Variants in ZNF180 observed in about 807,000 individuals in gnomAD.
The protein encoded by ZNF180 is zinc finger protein 180 (HHZ168).
Under a neutral mutation model 11.8 loss-of-function variants are expected in ZNF180, and 11 were observed. The observed-to-expected ratio is 0.93, with a 90% CI of 0.59 to 1.55. The LOEUF is 1.55. ZNF180 is among the 40% of genes most tolerant of loss of function. The pLI, the probability that ZNF180 is intolerant of heterozygous loss-of-function variation, is 0.00. For synonymous variants in ZNF180, 287 were observed against 257.7 expected, an observed-to-expected ratio of 1.11 and a Z score of -1.09; for missense variants, 773 against 781.7, an observed-to-expected ratio of 0.99 and a Z score of 0.13.
intron 2 of ZNF180, among the ~76,000 whole-genome samples, chr19:44,490,649 T>TA (rs200360869): frequency 8.2e-4 from 119 of 145,938 alleles, no homozygotes; most frequent in South Asian, 2.2e-3. Context: ...CTCTGTTAAT[T>TA]AAAAAAAAAA....
intron 2 of ZNF180, among the ~76,000 whole-genome samples, chr19:44,496,258 A>T (rs2571112): frequency 0.3 from 44,878 of 151,720 alleles, 7,869 homozygotes; most frequent in South Asian, 0.4. Context: ...GCCTCAAGCA[A>T]TCCTCCCACC....
chr19:44,499,944 G>A (rs1434438744), intron 1 of ZNF180, among the ~76,000 whole-genome samples: 1 of 152,142 alleles, frequency 6.6e-6, no homozygotes, highest in Non-Finnish European at 1.5e-5. Flanking sequence ...ACATCCTCAG[G>A]CCTCCACTAA....
rs984653998 is a variant in ZNF180, at chr19:44,478,083, G to A, written c.317C>T (p.Pro106Leu). The change falls in exon 5 of 5, where the codon CCA becomes CTA. Residue 106 changes from proline to leucine, a missense_variant. Transcript: ENST00000592529. ...TSKQRIFDEE[P>L]ANGVKIERFT... ...CCTTTCTATCTTCACTCCATTAGCT[G>A]GTTCTTCATCAAAAATCCTCTGCTT... 6.2e-7 allele frequency: 1 copy of A among 1,600,324 alleles called. No individual in the cohort carries two copies. Among genetic ancestry groups the A allele is most frequent in the Non-Finnish European group, 8.5e-7 (1 of 1,172,428 alleles).
At position 44,477,226 on chromosome 19, in the gene ZNF180, T is replaced by C; in HGVS notation, c.1174A>G (p.Ser392Gly). 2.5e-6 allele frequency: 4 copies of C among 1,614,202 alleles called. No homozygotes were observed. The highest frequency in any genetic ancestry group is 3.4e-6 in the Non-Finnish European group (4 of 1,180,016). The change falls in exon 5 of 5, where the codon AGC (serine) becomes GGC (glycine). Residue 392 changes from serine (S) to glycine (G), a missense_variant. Coordinates refer to ENST00000592529, the MANE Select transcript of ZNF180 (RefSeq NM_001278509.3). ...YRCNQCGKSF[S>G]QSYVLVVHQR... ...TGCACAACAAGGACATAACTCTGGC[T>C]AAAGGATTTCCCACATTGATTACAC...
At position 44,475,790 on chromosome 19, in the gene ZNF180, T is replaced by C. The variant is rs1969849198; in HGVS notation, c.*612A>G. ...TAATCCATACACAAATATTTTATCA[T>C]AATGGTTTTAGAAGTGAATATTATT... is the stretch of plus-strand genomic sequence containing the variant. On this transcript the variant is annotated 3_prime_UTR_variant, in exon 5 of 5. Transcript: ENST00000592529. 1 of 152,260 alleles carries C rather than the reference T, an allele frequency of 6.6e-6. No homozygotes were observed. The highest frequency in any genetic ancestry group is 2.4e-5 in the African/African-American group (1 of 41,466). The allele number at this position is 152,260 out of a possible 1,614,324, so 9.4% of individuals were successfully genotyped here. A position where few individuals can be genotyped will look rare whatever the true frequency, so the allele number is the denominator to read the frequency against.
intron 4 of ZNF180, among the ~76,000 whole-genome samples, chr19:44,479,070 T>C (rs1970008559): frequency 6.6e-6 from 1 of 152,206 alleles, no homozygotes; most frequent in South Asian, 2.1e-4. Flanking sequence ...CTTTGGTCTT[T>C]AGGAACATGA....
intron 3 of ZNF180, among the ~76,000 whole-genome samples, chr19:44,483,567 T>G (rs1253607385): frequency 6.6e-6 from 1 of 152,228 alleles, no homozygotes; most frequent in African/African-American, 2.4e-5. Context: ...AATCCAAAAT[T>G]GCTATTTTAA....
chr19:44,476,290 T>C lies in ZNF180; in HGVS notation c.*112A>G. On this transcript the variant is annotated 3_prime_UTR_variant, in exon 5 of 5. Coordinates refer to ENST00000592529, the MANE Select transcript of ZNF180 (RefSeq NM_001278509.3). ...CACACAATTAACAGAGGGCTGGAAG[T>C]TTTCCCACATATATTGTTTTTATAG... 1 of 1,062,992 alleles carries C rather than the reference T, an allele frequency of 9.4e-7. No homozygotes were observed. Among genetic ancestry groups the C allele is most frequent in the East Asian group, 2.7e-5 (1 of 37,238 alleles). The allele number at this position is 1,062,992 out of a possible 1,614,324, so 65.8% of individuals were successfully genotyped here.
intron 2 of ZNF180, among the ~76,000 whole-genome samples, chr19:44,489,501 G>A (rs375924829): frequency 0.46 from 39,788 of 86,174 alleles, 10,868 homozygotes; most frequent in East Asian, 0.86. Flanking sequence ...GATTAAGGGC[G>A]GTGCAAGATG....
intron 4 of ZNF180, among the ~76,000 whole-genome samples, chr19:44,478,368 G>A (rs1049473225): frequency 3.3e-5 from 5 of 152,172 alleles, no homozygotes; most frequent in Non-Finnish European, 7.4e-5. Context: ...TGTAATCTTG[G>A]TTTAATCTTA....
At chr19:44,488,791 C>T (rs1970322906) in intron 2 of ZNF180, among the ~76,000 whole-genome samples, 1 of 152,106 alleles carries the variant, frequency 6.6e-6, no homozygotes, top group Non-Finnish European at 1.5e-5. Context: ...GCGTCTCTGC[C>T]CGGCGGCCAT....
In ZNF180 at chr19:44,478,084, G is replaced by T. The variant is rs909973767; in HGVS notation, c.316C>A (p.Pro106Thr). The T allele has an allele frequency of 6.2e-7, 1 of 1,600,574 alleles. No homozygotes were observed. Among genetic ancestry groups the T allele is most frequent in the Non-Finnish European group, 8.5e-7 (1 of 1,172,594 alleles). The change falls in exon 5 of 5, where the codon CCA becomes ACA. Residue 106 changes from proline to threonine, a missense_variant. By Grantham distance (38) the Pro-to-Thr change is conservative (BLOSUM62 -1). Coordinates refer to ENST00000592529, the MANE Select transcript of ZNF180 (RefSeq NM_001278509.3). The stretch of plus-strand genomic sequence containing the variant: ...CTTTCTATCTTCACTCCATTAGCTG[G>T]TTCTTCATCAAAAATCCTCTGCTTT... ...TSKQRIFDEEPANGVKIERFT... is the reference protein window; with the variant it reads ...TSKQRIFDEETANGVKIERFT...
intron 3 of ZNF180, among the ~76,000 whole-genome samples, chr19:44,480,913 T>A (rs1391118641): frequency 3.3e-5 from 5 of 152,196 alleles, no homozygotes; most frequent in Non-Finnish European, 7.3e-5. Flanking sequence ...GGTCTCAGGA[T>A]CCTCAAAGAT....
chr19:44,488,990 G>A lies in ZNF180; in HGVS notation c.52-4555C>T, dbSNP rs1372719674. Among the ~76,000 whole-genome samples, 9 of 150,396 alleles carry A rather than the reference G, an allele frequency of 6.0e-5. No homozygotes were observed. In the East Asian group the frequency reaches 1.2e-3, roughly 20 times the overall value. On this transcript the variant is annotated intron_variant, in intron 2 of 4. Transcript: ENST00000592529. ...TGAGAAGTGAGGAGCCCCTCCGCCCGGCAGCCACCCTGTCTGGGAAGTGAG... is the reference window on the plus strand; with the variant it reads ...TGAGAAGTGAGGAGCCCCTCCGCCCAGCAGCCACCCTGTCTGGGAAGTGAG...
chr19:44,477,464 G>A lies in ZNF180; in HGVS notation c.936C>T (p.Ser312=). The change falls in exon 5 of 5, where the codon TCC becomes TCT. Residue 312 remains serine (S), a synonymous_variant. Transcript: ENST00000592529. ...AATTATTTCTCATGTTTTGAGTAAG[G>A]GAGGAACTATGAGAGGTTTCACTAC... ...YKCSETSHSS[S]LTQNMRNNSE... is the part of the protein sequence containing the mutation. 3 of 1,614,036 alleles carry A rather than the reference G, an allele frequency of 1.9e-6. No homozygotes were observed. Among genetic ancestry groups the A allele is most frequent in the South Asian group, 1.1e-5 (1 of 91,070 alleles).
chr19:44,477,968 T>C lies in ZNF180; in HGVS notation c.432A>G (p.Ile144Met). Residue 144 changes from isoleucine to methionine, a missense_variant, in exon 5 of 5, where the codon ATA becomes ATG. Ile to Met is a conservative substitution (Grantham distance 10, BLOSUM62 1). Coordinates refer to ENST00000592529, the MANE Select transcript of ZNF180 (RefSeq NM_001278509.3). ...GAGTGAATGCCACTTCCTGCAAAAGTATCTCTTGTTTTTCCTGTTGCTTCT... is the reference window on the plus strand; with the variant it reads ...GAGTGAATGCCACTTCCTGCAAAAGCATCTCTTGTTTTTCCTGTTGCTTCT... ...QLEKQQEKQE[I>M]LLQEVAFTQR... is the part of the protein sequence containing the mutation. 1 of 1,614,082 alleles carries C rather than the reference T, an allele frequency of 6.2e-7. No individual in the cohort carries two copies. The highest frequency in any genetic ancestry group is 8.5e-7 in the Non-Finnish European group (1 of 1,179,990).
At chr19:44,484,885 G>T (rs1346116638) in intron 2 of ZNF180, 7 of 167,576 alleles carry the variant, frequency 4.2e-5, no homozygotes, top group Non-Finnish European at 9.1e-5. Context: ...AGCAGGCCGG[G>T]TGCGGTGGCT....
chr19:44,479,462 T>C, intron 3 of ZNF180, 53 bp from the exon 4 acceptor site: 1 of 1,605,730 alleles, frequency 6.2e-7, no homozygotes, highest in South Asian at 1.1e-5. Flanking sequence ...CTTCCAAAGT[T>C]CATGGAGGAG....
At position 44,479,408 on chromosome 19, in the gene ZNF180, T is replaced by C; in HGVS notation, c.128A>G (p.Glu43Gly). ...AGTCACAATTTTGAAGTTCACTCCT[T>C]CCTAAAAAAGGACACACATTCCTGC... ...DTGSLTIPSQ[E>G]GVNFKIVTVD... The change falls in exon 4 of 5, where the codon GAA (glutamate) becomes GGA (glycine). Residue 43 changes from glutamate to glycine, a missense_variant and splice_region_variant. Transcript: ENST00000592529. 6.2e-7 allele frequency: 1 copy of C among 1,613,668 alleles called. No individual in the cohort carries two copies. Among genetic ancestry groups the C allele is most frequent in the Non-Finnish European group, 8.5e-7 (1 of 1,179,768 alleles).
Sources: gnomAD v4.1 joint callset for allele counts (sites outside exome capture counted in the v4.1 genomes callset) on GRCh38, gnomAD v4.1.1 for gene constraint, MANE v1.5 for transcripts, NCBI Gene and HGNC (gene_info 2026-07-23, HGNC 2026-07-21) for gene names.